Variants in MACROD2 observed in about 807,000 individuals in gnomAD.
MACROD2 encodes the protein mono-ADP ribosylhydrolase 2, also known as ADP-ribose glycohydrolase MACROD2.
A neutral mutation model predicts 70.4 loss-of-function variants in MACROD2; 36 were observed. The ratio of observed to expected loss-of-function variants is 0.51; its 90% CI spans 0.39 to 0.68. The LOEUF (loss-of-function observed/expected upper bound fraction) is 0.68. Among genes scored for constraint, MACROD2 ranks in the 30% least tolerant of loss-of-function variants. The pLI, the probability that MACROD2 is intolerant of heterozygous loss-of-function variation, is 0.00. For missense variants in MACROD2, 496 were observed against 538.4 expected (o/e 0.92, Z 0.78); for synonymous variants, 172 against 178.8 (o/e 0.96, Z 0.30).
chr20:14,682,402 C>CAT (rs968697784), intron 4 of MACROD2, among the ~76,000 whole-genome samples: 4 of 151,268 alleles, frequency 2.6e-5, no homozygotes, highest in Non-Finnish European at 4.4e-5. Context: ...ATTTTCAGTA[C>CAT]ATATATATAT....
intron 2 of MACROD2, among the ~76,000 whole-genome samples, chr20:14,058,803 C>T (rs2053660408): frequency 1.3e-5 from 2 of 152,036 alleles, no homozygotes. Context: ...GCCACCACAC[C>T]CAGCTAATTT....
intron 6 of MACROD2, among the ~76,000 whole-genome samples, chr20:15,412,807 A>G (rs2146326848): frequency 6.6e-6 from 1 of 152,278 alleles, no homozygotes. Context: ...ATCTAAATAT[A>G]TCTCTATGTT....
intron 13 of MACROD2, chr20:15,985,782 C>T (rs755680494): frequency 3.3e-5 from 5 of 152,210 alleles, no homozygotes; most frequent in Admixed American, 2.0e-4. Flanking sequence ...CAGGATTAGC[C>T]GCAGACAAAA....
Position 15,252,348 on chromosome 20 carries a change from A to G in MACROD2, c.540+22287A>G, listed in dbSNP as rs577158401. On this transcript the variant is annotated intron_variant, in intron 6 of 17. Transcript: ENST00000684519. The stretch of plus-strand genomic sequence containing the variant: ...CATGCTGAAGTGGCAAGTGATCTCA[A>G]CATTTCTGCAGCTTACAGCCACAAA... 1.1e-3 allele frequency among the ~76,000 whole-genome samples: 172 copies of G among 152,308 alleles called. 1 individual carries two copies. The highest frequency in any genetic ancestry group is 3.9e-3 in the African/African-American group (163 of 41,568).
intron 6 of MACROD2, among the ~76,000 whole-genome samples, chr20:15,405,670 A>T (rs144183867): frequency 6.6e-6 from 1 of 152,162 alleles, no homozygotes; most frequent in African/African-American, 2.4e-5. Flanking sequence ...TGTCTCGTTA[A>T]TTCCTCCCAC....
At chr20:15,031,580 TG>T (rs1168435254) in intron 5 of MACROD2, among the ~76,000 whole-genome samples, 1 of 152,200 alleles carries the variant, frequency 6.6e-6, no homozygotes, top group Non-Finnish European at 1.5e-5. Flanking sequence ...GGACCCATAC[TG>T]GGTAGCTCCT....
chr20:15,645,179 A>C (rs1471195563), intron 8 of MACROD2, among the ~76,000 whole-genome samples: 2 of 152,200 alleles, frequency 1.3e-5, no homozygotes, highest in African/African-American at 4.8e-5. Flanking sequence ...ACCACAGATC[A>C]GTTGCTGCAC....
intron 8 of MACROD2, among the ~76,000 whole-genome samples, chr20:15,595,213 CTG>C (rs965081279): frequency 6.6e-6 from 1 of 152,206 alleles, no homozygotes; most frequent in Non-Finnish European, 1.5e-5. Context: ...AACAGTGTGA[CTG>C]TACATAATAC....
chr20:14,758,460 T>G (rs1774864383), intron 5 of MACROD2, among the ~76,000 whole-genome samples: 1 of 152,206 alleles, frequency 6.6e-6, no homozygotes, highest in African/African-American at 2.4e-5. Context: ...GATTCAGGCC[T>G]GTGAATTTGG....
At chr20:14,487,352 G>C (rs1053920175) in intron 3 of MACROD2, among the ~76,000 whole-genome samples, 19 of 152,162 alleles carry the variant, frequency 1.2e-4, no homozygotes, top group African/African-American at 4.1e-4. Flanking sequence ...GCACATGTCA[G>C]GTTTGCTGAG....
intron 3 of MACROD2, among the ~76,000 whole-genome samples, chr20:14,312,858 A>T (rs976089582): frequency 2.0e-5 from 3 of 152,214 alleles, no homozygotes; most frequent in Non-Finnish European, 4.4e-5. Flanking sequence ...AAATTGGGGT[A>T]GCTCAACTCC....
intron 13 of MACROD2, among the ~76,000 whole-genome samples, chr20:15,969,475 C>A (rs74976793): frequency 6.6e-6 from 1 of 151,818 alleles, no homozygotes; most frequent in Admixed American, 6.6e-5. Context: ...AAATTTTAGC[C>A]GAGAACTAGA....
intron 3 of MACROD2, among the ~76,000 whole-genome samples, chr20:14,343,069 C>G (rs1052940695): frequency 6.6e-6 from 1 of 151,954 alleles, no homozygotes; most frequent in Admixed American, 6.6e-5. Context: ...GTGGCAGTAG[C>G]TGGTGCAAAA....
chr20:14,465,633 G>A (rs534579423), intron 3 of MACROD2, among the ~76,000 whole-genome samples: 188 of 152,200 alleles, frequency 1.2e-3, no homozygotes, highest in Admixed American at 3.1e-3. Context: ...TAGTGTTGAT[G>A]GTCTTTACAA....
chr20:14,000,459 A>G (rs1205323733), intron 1 of MACROD2, among the ~76,000 whole-genome samples: 1 of 152,030 alleles, frequency 6.6e-6, no homozygotes, highest in African/African-American at 2.4e-5. Context: ...TAAAGTGGTT[A>G]TTTTTTGAAG....
chr20:14,399,453 T>C (rs539120082), intron 3 of MACROD2, among the ~76,000 whole-genome samples: 1 of 152,294 alleles, frequency 6.6e-6, no homozygotes, highest in East Asian at 1.9e-4. Context: ...GTCATTTTTA[T>C]CTTTGTTACG....
At chr20:14,812,431 G>A (rs1294314525) in intron 5 of MACROD2, among the ~76,000 whole-genome samples, 1 of 151,902 alleles carries the variant, frequency 6.6e-6, no homozygotes, top group African/African-American at 2.4e-5. Context: ...GAGGTAGGGG[G>A]CAAGGGGAGG....
At chr20:15,651,958 A>G (rs542829323) in intron 8 of MACROD2, among the ~76,000 whole-genome samples, 69 of 152,314 alleles carry the variant, frequency 4.5e-4, no homozygotes, top group Non-Finnish European at 4.3e-4. Context: ...CAGGGTTGTA[A>G]TGGTGGAGAT....
chr20:15,594,908 T>A (rs1207709106), intron 8 of MACROD2, among the ~76,000 whole-genome samples: 1 of 152,214 alleles, frequency 6.6e-6, no homozygotes, highest in Non-Finnish European at 1.5e-5. Context: ...TAGGTAATAA[T>A]GTCACTAAAA....
Sources: gnomAD v4.1 joint callset for allele counts (sites outside exome capture counted in the v4.1 genomes callset) on GRCh38, gnomAD v4.1.1 for gene constraint, MANE v1.5 for transcripts, NCBI Gene and HGNC (gene_info 2026-07-23, HGNC 2026-07-21) for gene names.